The following LRP1B variants were observed in gnomAD, a reference collection of about 807,000 sequenced individuals.
The protein encoded by LRP1B is low-density lipoprotein receptor-related protein 1B.
LRP1B carries 217 observed loss-of-function variants against 556.6 expected under a neutral mutation model. That is an observed-to-expected ratio of 0.39 (90% CI 0.35 to 0.44). The LOEUF is 0.44. LRP1B is among the 20% of genes least tolerant of loss of function. LRP1B has a pLI of 1.00. For missense variants in LRP1B, 5,053 were observed against 5,620.8 expected, an observed-to-expected ratio of 0.90 and a Z score of 3.23; for synonymous variants, 2,047 against 1,865.8, an observed-to-expected ratio of 1.10 and a Z score of -2.50.
intron 21 of LRP1B, among the ~76,000 whole-genome samples, chr2:140,908,333 CTATA>C (rs201032924): frequency 7.1e-6 from 1 of 140,204 alleles, no homozygotes; most frequent in African/African-American, 2.6e-5. Flanking sequence ...CTCTCTCTCT[CTATA>C]TATATATACA....
intron 86 of LRP1B, chr2:140,269,385 C>T (rs148702242): frequency 8.5e-6 from 4 of 469,844 alleles, no homozygotes; most frequent in African/African-American, 2.0e-5. Context: ...AGAGCATCTG[C>T]AGAATTTCAG....
At chr2:141,924,174 A>T (rs1344608887) in intron 1 of LRP1B, among the ~76,000 whole-genome samples, 4 of 151,944 alleles carry the variant, frequency 2.6e-5, no homozygotes, top group Non-Finnish European at 5.9e-5. Context: ...CCAGGAGAAG[A>T]CAAGGAGATG....
intron 35 of LRP1B, among the ~76,000 whole-genome samples, chr2:140,728,198 C>T (rs750315344): frequency 2.0e-5 from 3 of 152,042 alleles, no homozygotes; most frequent in African/African-American, 7.2e-5. Context: ...TCTTTCCTAT[C>T]AAGGTAATAA....
chr2:141,360,470 C>T (rs1688782997), intron 3 of LRP1B, among the ~76,000 whole-genome samples: 1 of 152,194 alleles, frequency 6.6e-6, no homozygotes, highest in Non-Finnish European at 1.5e-5. Context: ...ATGTGACTGT[C>T]ACCAAATTGA....
chr2:141,690,332 T>G (rs900601782), intron 2 of LRP1B, among the ~76,000 whole-genome samples: 1 of 145,856 alleles, frequency 6.9e-6, no homozygotes, highest in African/African-American at 2.5e-5. Context: ...GTCCCATATG[T>G]TCAAGTTAAT....
intron 7 of LRP1B, among the ~76,000 whole-genome samples, chr2:141,080,615 G>A (rs1699899131): frequency 6.6e-6 from 1 of 152,060 alleles, no homozygotes; most frequent in African/African-American, 2.4e-5. Flanking sequence ...CATCCATTTT[G>A]TTAGGCACTG....
chr2:141,761,777 C>A (rs1461200219), intron 2 of LRP1B, among the ~76,000 whole-genome samples: 2 of 152,110 alleles, frequency 1.3e-5, no homozygotes, highest in African/African-American at 4.8e-5. Flanking sequence ...AAGATATCAT[C>A]AAAAGGAATA....
intron 35 of LRP1B, among the ~76,000 whole-genome samples, chr2:140,764,494 G>C (rs1478517328): frequency 6.6e-6 from 1 of 152,050 alleles, no homozygotes; most frequent in East Asian, 1.9e-4. Context: ...ACTCCTTCTA[G>C]TTCTATGTTT....
chr2:141,895,280 G>A (rs1051595165), intron 1 of LRP1B, among the ~76,000 whole-genome samples: 2 of 152,052 alleles, frequency 1.3e-5, no homozygotes, highest in Admixed American at 1.3e-4. Flanking sequence ...AGTCTATGAG[G>A]TATTTGGCTC....
At chr2:140,248,946 T>C (rs1681289228) in intron 86 of LRP1B, among the ~76,000 whole-genome samples, 1 of 151,440 alleles carries the variant, frequency 6.6e-6, no homozygotes, top group African/African-American at 2.4e-5. Flanking sequence ...TATTTCATTA[T>C]GTATTAATAG....
chr2:140,366,692 T>C (rs1196845622), intron 71 of LRP1B, among the ~76,000 whole-genome samples: 1 of 151,676 alleles, frequency 6.6e-6, no homozygotes, highest in Non-Finnish European at 1.5e-5. Flanking sequence ...CACATGTAAC[T>C]AATGCTAAGC....
chr2:141,128,503 C>A (rs1212311212), intron 7 of LRP1B, among the ~76,000 whole-genome samples: 2 of 152,194 alleles, frequency 1.3e-5, no homozygotes, highest in Admixed American at 1.3e-4. Flanking sequence ...TCTAGTCATG[C>A]TGTTCTCCCT....
At chr2:140,499,707 TA>T (rs1558924950) in intron 55 of LRP1B, among the ~76,000 whole-genome samples, 4 of 151,822 alleles carry the variant, frequency 2.6e-5, no homozygotes, top group Admixed American at 2.6e-4. Flanking sequence ...TCTCTCACCA[TA>T]TGTTTAGAAA....
At chr2:141,331,863 C>A (rs113657028) in intron 3 of LRP1B, among the ~76,000 whole-genome samples, 3,201 of 152,174 alleles carry the variant, frequency 0.021, 57 homozygotes, top group Non-Finnish European at 0.034. Flanking sequence ...TGTCCCCTTC[C>A]CAGACTAATT....
intron 2 of LRP1B, among the ~76,000 whole-genome samples, chr2:141,716,468 A>G (rs1692598665): frequency 6.6e-6 from 1 of 152,162 alleles, no homozygotes; most frequent in African/African-American, 2.4e-5. Context: ...TTTTAGTGCT[A>G]GAACTCTAGC....
chr2:141,871,607 T>A (rs781584801), intron 1 of LRP1B, among the ~76,000 whole-genome samples: 1 of 152,016 alleles, frequency 6.6e-6, no homozygotes, highest in Non-Finnish European at 1.5e-5. Context: ...GATGAAACAA[T>A]CCCTGTGTTT....
chr2:140,671,543 C>A (rs115441924), intron 41 of LRP1B, among the ~76,000 whole-genome samples: 2,070 of 151,568 alleles, frequency 0.014, 40 homozygotes, highest in Admixed American at 0.046. Context: ...AAACAAAAAA[C>A]ATCCGTTTTC....
chr2:141,250,535 G>T (rs1177070908), intron 4 of LRP1B, among the ~76,000 whole-genome samples: 1 of 152,090 alleles, frequency 6.6e-6, no homozygotes. Context: ...CTTCCATTTG[G>T]CTGTTGCATC....
intron 67 of LRP1B, among the ~76,000 whole-genome samples, chr2:140,382,058 T>A (rs549253323): frequency 1.3e-5 from 2 of 151,884 alleles, no homozygotes; most frequent in African/African-American, 4.8e-5. Flanking sequence ...AACCATAGAG[T>A]TAATGGCAGA....
Sources: gnomAD v4.1 joint callset for allele counts (sites outside exome capture counted in the v4.1 genomes callset) on GRCh38, gnomAD v4.1.1 for gene constraint, MANE v1.5 for transcripts, NCBI Gene and HGNC (gene_info 2026-07-23, HGNC 2026-07-21) for gene names.